The following DENND2B variants were observed in gnomAD, a reference collection of about 807,000 sequenced individuals.
DENND2B encodes the protein DENN domain containing 2B, also known as DENN domain-containing protein 2B.
A neutral mutation model predicts 116.0 loss-of-function variants in DENND2B; 32 were observed. The ratio of observed to expected loss-of-function variants is 0.28; its 90% confidence interval spans 0.21 to 0.37. The LOEUF (loss-of-function observed/expected upper bound fraction) is 0.37, where lower values mean the gene tolerates loss of function less well. DENND2B is among the 10% of genes least tolerant of loss of function. The pLI, the probability that DENND2B is intolerant of heterozygous loss-of-function variation, is 1.00. For missense variants in DENND2B, 1,276 were observed against 1,477.7 expected (o/e 0.86, Z 2.24); for synonymous variants, 588 against 583.9 (o/e 1.01, Z -0.10).
chr11:8,701,342 T>A (rs1028163463), intron 14 of DENND2B, among the ~76,000 whole-genome samples: 3 of 6,110 alleles, frequency 4.9e-4, no homozygotes, highest in African/African-American at 2.2e-3. Flanking sequence ...AAGGCCAGCT[T>A]CCGGGGGGGG....
rs1048117356 is a variant in DENND2B, at chr11:8,841,617, T to A, written c.-155-2267A>T. ...GTGAGTTATGACTGTACCACTGCAC[T>A]CCAGCCTAGGTGACAGAGTAAGGCC... On this transcript the variant is annotated intron_variant, in intron 3 of 6. Transcript: ENST00000524757. Among the ~76,000 whole-genome samples the A allele has an allele frequency of 6.6e-5, 10 of 152,196 alleles. 1 individual carries two copies. Among genetic ancestry groups the A allele is most frequent in the Admixed American group, 2.6e-4 (4 of 15,274 alleles).
chr11:8,897,197 C>G (rs573114277), intron 1 of DENND2B, among the ~76,000 whole-genome samples: 3 of 152,244 alleles, frequency 2.0e-5, no homozygotes, highest in Non-Finnish European at 2.9e-5. Context: ...GCAGAGGTTA[C>G]AGTAAGCAGA....
At chr11:8,840,833 G>A (rs566911104) in intron 3 of DENND2B, among the ~76,000 whole-genome samples, 1 of 150,910 alleles carries the variant, frequency 6.6e-6, no homozygotes, top group East Asian at 1.9e-4. Flanking sequence ...TCCTGGCCTG[G>A]CCACGGAACT....
chr11:8,713,521 A>C (rs187574254), intron 8 of DENND2B, among the ~76,000 whole-genome samples: 20 of 152,116 alleles, frequency 1.3e-4, no homozygotes, highest in African/African-American at 3.9e-4. Context: ...CTGGTATTAC[A>C]CGCGCCCGCC....
At chr11:8,771,087 A>C (rs2056766989) in intron 1 of DENND2B, among the ~76,000 whole-genome samples, 1 of 152,196 alleles carries the variant, frequency 6.6e-6, no homozygotes, top group Non-Finnish European at 1.5e-5. Context: ...CCTACCCTTT[A>C]CTAAGCCCCA....
chr11:8,789,609 A>C (rs2059199979), intron 1 of DENND2B, among the ~76,000 whole-genome samples: 1 of 152,190 alleles, frequency 6.6e-6, no homozygotes, highest in Non-Finnish European at 1.5e-5. Flanking sequence ...TCTAGATCTA[A>C]GTTACAGTTT....
At position 8,908,852 on chromosome 11, in the gene DENND2B, C is replaced by T. The variant is rs762403198; in HGVS notation, c.-256+1969G>A. On this transcript the variant is annotated intron_variant, in intron 1 of 22. Coordinates refer to the DENND2B transcript ENST00000534127. ...AGTCTGATCCACATTCTGTTCTCCA[C>T]AACTCCTAGGGCAGTGCCTGGCACA... Among the ~76,000 whole-genome samples, 5 of 152,282 alleles carry T rather than the reference C, an allele frequency of 3.3e-5. No homozygotes were observed. In the South Asian group the frequency reaches 1.0e-3, roughly 32 times the overall value.
intron 1 of DENND2B, among the ~76,000 whole-genome samples, chr11:8,884,232 T>C (rs2134732082): frequency 1.3e-5 from 2 of 151,022 alleles, no homozygotes; most frequent in East Asian, 3.9e-4. Flanking sequence ...TCAGTGAAGG[T>C]GGGGATGGGG....
At chr11:8,822,891 T>C (rs760180948) in intron 4 of DENND2B, among the ~76,000 whole-genome samples, 81 of 152,160 alleles carry the variant, frequency 5.3e-4, no homozygotes, top group Non-Finnish European at 8.5e-4. Context: ...ATCAATATCA[T>C]AGGCAAAACT....
At chr11:8,780,508 C>T (rs1451177134) in intron 1 of DENND2B, among the ~76,000 whole-genome samples, 1 of 152,126 alleles carries the variant, frequency 6.6e-6, no homozygotes, top group Non-Finnish European at 1.5e-5. Flanking sequence ...GAACTACATG[C>T]ACAAGGGCTT....
chr11:8,781,829 A>C (rs2058403840), intron 1 of DENND2B, among the ~76,000 whole-genome samples: 1 of 152,232 alleles, frequency 6.6e-6, no homozygotes, highest in Non-Finnish European at 1.5e-5. Flanking sequence ...AGAAAATAAA[A>C]TATTGCTCAA....
At position 8,693,880 on chromosome 11, in the gene DENND2B, A is replaced by G. The variant is rs769257603; in HGVS notation, c.*216T>C. 5.7e-6 allele frequency: 3 copies of G among 527,750 alleles called. No individual in the cohort carries two copies. The highest frequency in any genetic ancestry group is 1.0e-5 in the Non-Finnish European group (3 of 299,256). 32.7% of individuals were successfully genotyped at this position (527,750 alleles called of 1,614,324 possible). A position where few individuals can be genotyped will look rare whatever the true frequency, so the allele number is the denominator to read the frequency against. ...TTGGGAATATACAAATATTTGCCAT[A>G]TTCTCTTTGCTTGTTACAAAAAACA... On this transcript the variant is annotated 3_prime_UTR_variant, in exon 20 of 20. Transcript: ENST00000313726.
At chr11:8,754,186 A>C (rs1045033472) in intron 1 of DENND2B, among the ~76,000 whole-genome samples, 31 of 152,204 alleles carry the variant, frequency 2.0e-4, no homozygotes, top group Non-Finnish European at 4.0e-4. Context: ...ATCTCCTAAG[A>C]AAATTGTATC....
In DENND2B at chr11:8,800,408, T is replaced by G. The variant is rs1296043719; in HGVS notation, c.-26+10109A>C. Among the ~76,000 whole-genome samples the G allele has an allele frequency of 2.6e-5, 4 of 152,176 alleles. No individual in the cohort carries two copies. In the East Asian group the frequency reaches 7.7e-4, roughly 29 times the overall value. ...ACAGTTTTGGGAGCTCTATGCACCA[T>G]CGAGGCTAAGCTTCTCCTGGTTCTA... On this transcript the variant is annotated intron_variant, in intron 1 of 19. Coordinates refer to ENST00000313726, the MANE Select transcript of DENND2B (RefSeq NM_213618.2).
chr11:8,799,561 CTTTTTTTTTTTT>C (rs67190732), intron 1 of DENND2B, among the ~76,000 whole-genome samples: 5,835 of 114,090 alleles, frequency 0.051, 222 homozygotes, highest in African/African-American at 0.12. Flanking sequence ...TCCTTTTTCT[CTTTTTTTTTTTT>C]TTTTTTTTTT....
intron 2 of DENND2B, among the ~76,000 whole-genome samples, chr11:8,861,417 T>C (rs1226105294): frequency 6.6e-6 from 1 of 151,870 alleles, no homozygotes; most frequent in Non-Finnish European, 1.5e-5. Context: ...AGCCACGAAA[T>C]ATATGAAAAA....
intron 1 of DENND2B, among the ~76,000 whole-genome samples, chr11:8,904,407 T>C (rs2064209364): frequency 1.3e-5 from 2 of 152,160 alleles, no homozygotes; most frequent in African/African-American, 4.8e-5. Flanking sequence ...TAAAAATAAT[T>C]TTTAAAGATA....
At chr11:8,841,743 C>T (rs1566040400) in intron 3 of DENND2B, among the ~76,000 whole-genome samples, 1 of 152,162 alleles carries the variant, frequency 6.6e-6, no homozygotes, top group Admixed American at 6.5e-5. Context: ...AATTCAGGAC[C>T]CACTTCTTCC....
intron 2 of DENND2B, among the ~76,000 whole-genome samples, chr11:8,749,757 G>C (rs1301978382): frequency 3.3e-5 from 5 of 152,150 alleles, no homozygotes; most frequent in Non-Finnish European, 5.9e-5. Flanking sequence ...ATCCATCTTA[G>C]AGGCAGAGGC....
Sources: allele counts gnomAD v4.1 joint callset (sites outside exome capture counted in the v4.1 genomes callset), GRCh38; gene constraint gnomAD v4.1.1; transcripts MANE v1.5; gene names NCBI Gene and HGNC (gene_info 2026-07-23, HGNC 2026-07-21).